DNAH11: variants seen among roughly 807,000 people sequenced by gnomAD.
DNAH11 encodes dynein axonemal heavy chain 11, also known as axonemal beta dynein heavy chain 11.
DNAH11 carries 442 observed loss-of-function variants against 526.0 expected under a neutral mutation model. The observed-to-expected ratio is 0.84, with a 90% CI of 0.78 to 0.91. The LOEUF (loss-of-function observed/expected upper bound fraction) is 0.91. Ranked by LOEUF, DNAH11 falls within the 40% of genes least tolerant of loss-of-function variation. The pLI is 0.00. For synonymous variants in DNAH11, 2,461 were observed against 1,935.9 expected (o/e 1.27, Z -7.12); for missense variants, 6,989 against 5,448.7 (o/e 1.28, Z -8.90).
At chr7:21,737,255 T>C (rs1403938688) in intron 46 of DNAH11, among the ~76,000 whole-genome samples, 2 of 152,168 alleles carry the variant, frequency 1.3e-5, no homozygotes, top group Non-Finnish European at 2.9e-5. Context: ...GCATAGTGAT[T>C]GGGTGCAAGA....
chr7:21,817,346 A>G lies in DNAH11; in HGVS notation c.10568+644A>G, dbSNP rs1454803436. ...CTTGACCCTTCCATCCTCTTTTTAT[A>G]TGTAGAGTGAAATAAGAAATTTCTG... On this transcript the variant is annotated intron_variant, in intron 64 of 81. Coordinates refer to ENST00000409508, the MANE Select transcript of DNAH11 (RefSeq NM_001277115.2). 3.9e-5 allele frequency among the ~76,000 whole-genome samples: 6 copies of G among 152,106 alleles called. No individual in the cohort carries two copies. In the East Asian group the frequency reaches 1.2e-3, roughly 29 times the overall value.
chr7:21,773,313 C>T lies in DNAH11; in HGVS notation c.9103-453C>T, dbSNP rs1242816691. Among the ~76,000 whole-genome samples the T allele has an allele frequency of 4.0e-5, 6 of 148,400 alleles. 1 individual carries two copies. Among genetic ancestry groups the T allele is most frequent in the Admixed American group, 2.7e-4 (4 of 14,860 alleles). On this transcript the variant is annotated intron_variant, in intron 55 of 81. Coordinates refer to ENST00000409508, the MANE Select transcript of DNAH11 (RefSeq NM_001277115.2). ...TCCAGTTTGTTTTTACATGAGTTCT[C>T]ATAAAACTGTGAGTTTCTAAGTTTT...
At position 21,818,229 on chromosome 7, in the gene DNAH11, C is replaced by T. The variant is rs564142525; in HGVS notation, c.10581C>T (p.Ala3527=). 17 of 1,610,718 alleles carry T rather than the reference C, an allele frequency of 1.1e-5. No homozygotes were observed. In the East Asian group the frequency reaches 3.4e-4, roughly 32 times the overall value. The change falls in exon 65 of 82, where the codon GCC becomes GCT. Residue 3527 remains alanine, a synonymous_variant. Transcript: ENST00000409508. ...ACTGAATTTTAAGGTTTTTGAATGC[C>T]ATTGAAACTGCTTTGGCCTTTGGTG... ...THLGQKGFLN[A]IETALAFGDV... is the part of the protein sequence containing the mutation.
At chr7:21,843,639 C>T (rs1782302725) in intron 66 of DNAH11, among the ~76,000 whole-genome samples, 1 of 151,946 alleles carries the variant, frequency 6.6e-6, no homozygotes, top group African/African-American at 2.4e-5. Flanking sequence ...CACCACCACG[C>T]CCAGCTAATT....
At chr7:21,811,163 C>T (rs975692541) in intron 63 of DNAH11, among the ~76,000 whole-genome samples, 2 of 152,068 alleles carry the variant, frequency 1.3e-5, no homozygotes, top group African/African-American at 4.8e-5. Context: ...ATTAGGCTAA[C>T]TGAAATTAGC....
At position 21,588,583 on chromosome 7, in the gene DNAH11, G is replaced by T. The variant is rs1250951572; in HGVS notation, c.1920G>T (p.Gln640His). 4 of 1,613,692 alleles carry T rather than the reference G, an allele frequency of 2.5e-6. No individual in the cohort carries two copies. The South Asian group carries it at 3.3e-5, about 13-fold the overall frequency. ...CAGGAAATATGAAATGGGCCCAGCA[G>T]GTTCTCCAACGACTTCAAATGTTTT... ...FTSGNMKWAQQVLQRLQMFWS... is the reference protein window; with the variant it reads ...FTSGNMKWAQHVLQRLQMFWS... Residue 640 changes from glutamine (Q) to histidine (H), a missense_variant, in exon 11 of 82, where the codon CAG becomes CAT. By Grantham distance (24) the Gln-to-His change is conservative (BLOSUM62 0). Coordinates refer to ENST00000409508, the MANE Select transcript of DNAH11 (RefSeq NM_001277115.2).
intron 47 of DNAH11, 117 bp from the exon 48 acceptor site, chr7:21,739,454 C>T (rs1785773563): frequency 4.2e-6 from 3 of 718,358 alleles, no homozygotes; most frequent in Non-Finnish European, 4.5e-6. Context: ...GTCAACCTCA[C>T]AGAGTGATTA....
chr7:21,570,380 GTTTAC>G (rs1554312158), intron 7 of DNAH11, 81 bp downstream of exon 7: 3 of 1,169,250 alleles, frequency 2.6e-6, no homozygotes, highest in Admixed American at 2.5e-5. Context: ...TCATGGAACA[GTTTAC>G]TTTATATCAT....
chr7:21,574,564 C>CTTCCTTTTTTTTTT (rs1554313104), intron 8 of DNAH11, among the ~76,000 whole-genome samples: 1 of 123,850 alleles, frequency 8.1e-6, no homozygotes, highest in African/African-American at 3.2e-5. Context: ...CCCTTCCTTC[C>CTTCCTTTTTTTTTT]TTTTTTTTTT....
chr7:21,592,923 G>C (rs1349512403), intron 14 of DNAH11, among the ~76,000 whole-genome samples: 5 of 152,308 alleles, frequency 3.3e-5, no homozygotes, highest in Middle Eastern at 3.4e-3. Flanking sequence ...GTTAGTTAGA[G>C]ATGCTTGTCC....
rs142214897 is a variant in DNAH11, at chr7:21,807,605, A to G, written c.10166-278A>G. Among the ~76,000 whole-genome samples, 1,561 of 152,290 alleles carry G rather than the reference A, an allele frequency of 0.01. 16 individuals are homozygous for G. The highest frequency in any genetic ancestry group is 0.013 in the Non-Finnish European group (908 of 68,008). On this transcript the variant is annotated intron_variant, in intron 62 of 81. Transcript: ENST00000409508. ...TGTCAGCCTTTCAAGAAGGACCTCA[A>G]TCATAATGGAAGAGTTGGGATGTCC...
chr7:21,775,177 G>T (rs1445945194), intron 56 of DNAH11, among the ~76,000 whole-genome samples: 1 of 152,168 alleles, frequency 6.6e-6, no homozygotes, highest in Admixed American at 6.5e-5. Context: ...TGTACTAATA[G>T]TGAGTAGATG....
intron 48 of DNAH11, 77 bp downstream of exon 48, chr7:21,739,750 G>T: frequency 8.9e-7 from 1 of 1,117,738 alleles, no homozygotes; most frequent in South Asian, 1.5e-5. Context: ...GGATTCCTAT[G>T]GGACATCTTG....
At chr7:21,695,248 A>G (rs994334905) in intron 35 of DNAH11, among the ~76,000 whole-genome samples, 1 of 152,306 alleles carries the variant, frequency 6.6e-6, no homozygotes, top group African/African-American at 2.4e-5. Context: ...TACTACTTTA[A>G]ATTTCACATG....
At chr7:21,826,741 C>A (rs1790315728) in intron 65 of DNAH11, among the ~76,000 whole-genome samples, 1 of 152,150 alleles carries the variant, frequency 6.6e-6, no homozygotes, top group Non-Finnish European at 1.5e-5. Context: ...CCACATTCAC[C>A]CGGAATGTCT....
intron 55 of DNAH11, among the ~76,000 whole-genome samples, chr7:21,771,691 G>T (rs1787439546): frequency 6.6e-6 from 1 of 152,040 alleles, no homozygotes; most frequent in East Asian, 1.9e-4. Flanking sequence ...GCTGCTAAAT[G>T]ACTATAAGTG....
intron 8 of DNAH11, among the ~76,000 whole-genome samples, chr7:21,578,959 A>G (rs1431912907): frequency 6.6e-6 from 1 of 152,186 alleles, no homozygotes; most frequent in East Asian, 1.9e-4. Flanking sequence ...CCTTTGAGTC[A>G]TCTGTAATCT....
At chr7:21,772,174 T>C (rs967212160) in intron 55 of DNAH11, among the ~76,000 whole-genome samples, 5 of 152,188 alleles carry the variant, frequency 3.3e-5, no homozygotes, top group Non-Finnish European at 2.9e-5. Context: ...ACAATAGTTA[T>C]TTTGCCCCAT....
At chr7:21,710,727 C>T in intron 41 of DNAH11, 24 bp downstream of exon 41, 1 of 1,596,300 alleles carries the variant, frequency 6.3e-7, no homozygotes, top group Non-Finnish European at 8.5e-7. Flanking sequence ...CTGTTCTCAA[C>T]CTTAAATATA....
Sources: gnomAD v4.1 joint callset for allele counts (sites outside exome capture counted in the v4.1 genomes callset) on GRCh38, gnomAD v4.1.1 for gene constraint, MANE v1.5 for transcripts, NCBI Gene and HGNC (gene_info 2026-07-23, HGNC 2026-07-21) for gene names.